Variants in MAPK9 observed in about 807,000 individuals in gnomAD.
MAPK9 encodes the protein Jun kinase.
A neutral mutation model predicts 57.1 loss-of-function variants in MAPK9; 30 were observed. The ratio of observed to expected loss-of-function variants is 0.53; its 90% CI spans 0.39 to 0.71. The LOEUF (loss-of-function observed/expected upper bound fraction) is 0.71. Ranked by LOEUF, MAPK9 falls within the 30% of genes least tolerant of loss-of-function variation. MAPK9 has a pLI of 0.00. For synonymous variants in MAPK9, 155 were observed against 177.0 expected (o/e 0.88, Z 0.99); for missense variants, 362 against 521.0 (o/e 0.69, Z 2.97).
chr5:180,255,699 A>C (rs771234065), intron 5 of MAPK9, among the ~76,000 whole-genome samples: 2 of 152,124 alleles, frequency 1.3e-5, no homozygotes, highest in Non-Finnish European at 2.9e-5. Context: ...CATCACATCC[A>C]CCAGCCTGGG....
chr5:180,283,088 GA>G (rs1337479207), intron 1 of MAPK9, among the ~76,000 whole-genome samples: 1 of 152,098 alleles, frequency 6.6e-6, no homozygotes, highest in Non-Finnish European at 1.5e-5. Flanking sequence ...TCAGAGGTGC[GA>G]CACAGGCGCT....
At chr5:180,248,425 G>A (rs1165064424) in intron 6 of MAPK9, among the ~76,000 whole-genome samples, 5 of 152,188 alleles carry the variant, frequency 3.3e-5, no homozygotes, top group South Asian at 2.1e-4. Context: ...GCGTGATTTC[G>A]TTATTTTCAA....
chr5:180,250,029 C>G (rs73340755), intron 5 of MAPK9, among the ~76,000 whole-genome samples: 22 of 152,132 alleles, frequency 1.4e-4, no homozygotes, highest in Admixed American at 3.9e-4. Context: ...CTCCAATCTT[C>G]TCACCTTCGC....
rs1757760692 is a variant in MAPK9 at position 180,242,644 on chromosome 5, G to C, written c.800C>G (p.Pro267Arg). ...AAAGAGTTCTTCAAATTTGATTCCA[G>C]GATACTTTGGTCTGTTTTCGACATA... ...RNYVENRPKYPGIKFEELFPD... is the reference protein window; with the variant it reads ...RNYVENRPKYRGIKFEELFPD... The change falls in exon 8 of 12, where the codon CCT (proline) becomes CGT (arginine). Residue 267 changes from proline to arginine, a missense_variant. By Grantham distance (103) the Pro-to-Arg change is moderately radical. Around this residue, in one of 3 missense-constraint regions of MAPK9, gnomAD observed 199 missense variants for 251.3 expected, o/e 0.79. Transcript: ENST00000452135. 3 of 1,613,998 alleles carry C rather than the reference G, an allele frequency of 1.9e-6. No individual in the cohort carries two copies. Among genetic ancestry groups the C allele is most frequent in the Non-Finnish European group, 2.5e-6 (3 of 1,180,004 alleles).
chr5:180,245,211 A>T (rs1456656713), intron 7 of MAPK9, among the ~76,000 whole-genome samples: 1 of 152,138 alleles, frequency 6.6e-6, no homozygotes, highest in Non-Finnish European at 1.5e-5. Flanking sequence ...TGTCTAACAG[A>T]CATCTCCAAA....
rs548141403 is a variant in MAPK9 at position 180,257,349 on chromosome 5, TTC to T, written c.450+4333_450+4334del. On this transcript the variant is annotated intron_variant, in intron 5 of 11. Coordinates refer to ENST00000452135, the MANE Select transcript of MAPK9 (RefSeq NM_002752.5). ...CACCATCTAAAACCCATCTGCTTAT[TTC>T]TGTAGTAACAGGCTCTGCTGTTCTT... Among the ~76,000 whole-genome samples, 316 of 152,370 alleles carry T rather than the reference TTC, an allele frequency of 2.1e-3. 2 individuals carry two copies. The highest frequency in any genetic ancestry group is 6.9e-3 in the African/African-American group (289 of 41,588).
intron 7 of MAPK9, chr5:180,246,944 G>A (rs948349498): frequency 1.9e-5 from 3 of 154,020 alleles, no homozygotes; most frequent in African/African-American, 7.2e-5. Context: ...TTTCACTTAG[G>A]TCCTTTGTAA....
At chr5:180,279,790 C>A in intron 2 of MAPK9, 1 of 456,026 alleles carries the variant, frequency 2.2e-6, no homozygotes, top group South Asian at 1.5e-5. Flanking sequence ...ATGTGAAGAG[C>A]TTTACCTTGA....
intron 1 of MAPK9, among the ~76,000 whole-genome samples, chr5:180,291,366 C>A (rs1226325660): frequency 6.6e-6 from 1 of 152,220 alleles, no homozygotes; most frequent in Non-Finnish European, 1.5e-5. Flanking sequence ...CGGGCCAGCA[C>A]CCTGCCCAGT....
intron 3 of MAPK9, 83 bp from the exon 4 acceptor site, chr5:180,264,922 ACGGG>A: frequency 8.7e-7 from 1 of 1,143,312 alleles, no homozygotes; most frequent in Admixed American, 3.6e-5. Context: ...ATGCATTAAG[ACGGG>A]AAAAAAATCA....
In MAPK9 at chr5:180,235,171, A is replaced by T. The variant is rs1004238685; in HGVS notation, c.*1213T>A. On this transcript the variant is annotated 3_prime_UTR_variant, in exon 12 of 12. Transcript: ENST00000452135. The stretch of plus-strand genomic sequence containing the variant: ...AGTCAATAGTTAATCATGACTCTTC[A>T]GGGTATTTCCTTCACGTCCTCTGAA... 1.3e-5 allele frequency: 2 copies of T among 152,270 alleles called. No homozygotes were observed. Among genetic ancestry groups the T allele is most frequent in the African/African-American group, 4.8e-5 (2 of 41,476 alleles). The allele number at this position is 152,270 out of a possible 1,614,324, so 9.4% of individuals were successfully genotyped here. A position where few individuals can be genotyped will look rare whatever the true frequency, so the allele number is the denominator to read the frequency against.
rs377703412 is a variant in MAPK9 at position 180,274,355 on chromosome 5, G to C, written c.123-4946C>G. On this transcript the variant is annotated intron_variant, in intron 2 of 11. Transcript: ENST00000452135. ...TTAACAAAACGCAGATTATCCAGGT[G>C]GGCCTATTCTTATCACGAGAGCCCT... 1.5e-4 allele frequency among the ~76,000 whole-genome samples: 23 copies of C among 152,308 alleles called. No individual in the cohort carries two copies. The East Asian group carries it at 3.3e-3, about 22-fold the overall frequency.
intron 10 of MAPK9, among the ~76,000 whole-genome samples, chr5:180,238,608 C>CTTTTTTTTTTTTTTTTTTTTT (rs746336177): frequency 1.2e-5 from 1 of 85,166 alleles, no homozygotes; most frequent in Non-Finnish European, 2.3e-5. Context: ...TCTTCTTCTT[C>CTTTTTTTTTTTTTTTTTTTTT]TTTTTTTTTT....
At chr5:180,259,352 T>G (rs139637573) in intron 5 of MAPK9, among the ~76,000 whole-genome samples, 1,591 of 152,058 alleles carry the variant, frequency 0.01, 12 homozygotes, top group Middle Eastern at 0.034. Context: ...ATGAAAGAAC[T>G]CACACTGGAG....
At position 180,289,414 on chromosome 5, in the gene MAPK9, GA is replaced by G. The variant is rs1278867285; in HGVS notation, c.-48+2433del. 1.4e-4 allele frequency among the ~76,000 whole-genome samples: 21 copies of G among 148,144 alleles called. No individual in the cohort carries two copies. The East Asian group carries it at 2.2e-3, about 15-fold the overall frequency. On this transcript the variant is annotated intron_variant, in intron 1 of 11. Transcript: ENST00000452135. The stretch of plus-strand genomic sequence containing the variant: ...TTTAACTCTGCAGGATCCTTTTGAA[GA>G]AAAAAAAAAGTTAAATGGAGGAAAA...
rs114846441 is a variant in MAPK9 at position 180,283,705 on chromosome 5, G to A, written c.-47-3097C>T. Among the ~76,000 whole-genome samples the A allele has an allele frequency of 8.5e-3, 1,295 of 152,328 alleles. 10 individuals carry two copies. Among genetic ancestry groups the A allele is most frequent in the Non-Finnish European group, 0.013 (905 of 68,038 alleles). ...AATCCCAGCACTTTGGGAGGCCAAC[G>A]TGGGGGAATCACTTGAGGTCAGGAG... On this transcript the variant is annotated intron_variant, in intron 1 of 11. Coordinates refer to ENST00000452135, the MANE Select transcript of MAPK9 (RefSeq NM_002752.5).
intron 2 of MAPK9, among the ~76,000 whole-genome samples, chr5:180,278,265 T>G (rs185508640): frequency 1.8e-3 from 269 of 152,370 alleles, no homozygotes; most frequent in African/African-American, 6.3e-3. Flanking sequence ...CAAGTGAGCC[T>G]TCCTAGTCCT....
intron 6 of MAPK9, 96 bp downstream of exon 6, chr5:180,248,877 T>TA: frequency 7.4e-7 from 1 of 1,346,150 alleles, no homozygotes; most frequent in East Asian, 2.4e-5. Context: ...CCCCACAGTA[T>TA]ATATCATATG....
At chr5:180,271,006 A>G (rs1330356630) in intron 2 of MAPK9, among the ~76,000 whole-genome samples, 1 of 152,196 alleles carries the variant, frequency 6.6e-6, no homozygotes, top group Non-Finnish European at 1.5e-5. Flanking sequence ...ACTGCAGTTA[A>G]TAACAATGTA....
Sources: gnomAD v4.1 joint callset for allele counts (sites outside exome capture counted in the v4.1 genomes callset) on GRCh38, gnomAD v4.1.1 for gene constraint, gnomAD v4.1.1 regional missense constraint, MANE v1.5 for transcripts, NCBI Gene and HGNC (gene_info 2026-07-23, HGNC 2026-07-21) for gene names.